PSMA1: variants seen among roughly 807,000 people sequenced by gnomAD.
PSMA1 encodes the protein proteasome subunit alpha type-1.
A neutral mutation model predicts 38.4 loss-of-function variants in PSMA1; 3 were observed. That is an observed-to-expected ratio of 0.08 (90% CI 0.04 to 0.20). The LOEUF (loss-of-function observed/expected upper bound fraction) is 0.20, where lower values mean the gene tolerates loss of function less well. Among genes scored for constraint, PSMA1 ranks in the 10% least tolerant of loss-of-function variants. The pLI is 1.00. For missense variants in PSMA1, 227 were observed against 325.3 expected, an observed-to-expected ratio of 0.70 and a Z score of 2.32; for synonymous variants, 101 against 107.1, an observed-to-expected ratio of 0.94 and a Z score of 0.35.
intron 2 of PSMA1, among the ~76,000 whole-genome samples, chr11:14,586,543 T>C (rs1227439779): frequency 6.6e-6 from 1 of 152,186 alleles, no homozygotes; most frequent in East Asian, 1.9e-4. Flanking sequence ...ATATGATAGG[T>C]ATTCTATTTT....
intron 2 of PSMA1, among the ~76,000 whole-genome samples, chr11:14,526,407 G>T (rs979198207): frequency 6.6e-6 from 1 of 152,112 alleles, no homozygotes; most frequent in Non-Finnish European, 1.5e-5. Context: ...CAAGGACCGG[G>T]ACCGCACCCT....
At chr11:14,629,140 T>C (rs1852963260) in intron 1 of PSMA1, among the ~76,000 whole-genome samples, 1 of 152,208 alleles carries the variant, frequency 6.6e-6, no homozygotes, top group South Asian at 2.1e-4. Flanking sequence ...TGATGGTAGT[T>C]TCTTTTGCTG....
intron 2 of PSMA1, among the ~76,000 whole-genome samples, chr11:14,537,880 T>C (rs993216061): frequency 6.6e-6 from 1 of 151,996 alleles, no homozygotes. Flanking sequence ...GGCTAACTTT[T>C]GTATTTTTAG....
At chr11:14,547,741 G>A (rs1334658722) in intron 2 of PSMA1, among the ~76,000 whole-genome samples, 1 of 152,178 alleles carries the variant, frequency 6.6e-6, no homozygotes. Flanking sequence ...CAAACATCCA[G>A]GGCCATACTC....
intron 2 of PSMA1, among the ~76,000 whole-genome samples, chr11:14,601,496 C>G (rs765217528): frequency 5.3e-5 from 8 of 152,164 alleles, no homozygotes; most frequent in Non-Finnish European, 7.3e-5. Context: ...CTGAAAGCCT[C>G]TAGATATGGC....
chr11:14,555,099 T>G (rs1334094224), intron 2 of PSMA1, among the ~76,000 whole-genome samples: 10 of 152,240 alleles, frequency 6.6e-5, no homozygotes, highest in Admixed American at 6.5e-4. Context: ...AGGATGTGGT[T>G]CACTACGTCA....
intron 2 of PSMA1, among the ~76,000 whole-genome samples, chr11:14,570,867 C>A (rs1852131074): frequency 6.6e-6 from 1 of 152,140 alleles, no homozygotes; most frequent in African/African-American, 2.4e-5. Flanking sequence ...CACAAAGATA[C>A]TCCTTGAGAA....
chr11:14,635,735 A>G (rs903547135), intron 1 of PSMA1, among the ~76,000 whole-genome samples: 11 of 152,306 alleles, frequency 7.2e-5, no homozygotes, highest in African/African-American at 2.6e-4. Flanking sequence ...GGGGTAGGAG[A>G]AAAAAAGCAG....
chr11:14,595,076 G>T (rs1852469377), intron 2 of PSMA1, among the ~76,000 whole-genome samples: 1 of 152,146 alleles, frequency 6.6e-6, no homozygotes, highest in East Asian at 1.9e-4. Flanking sequence ...CCCTGCAAAG[G>T]ACATGAACTC....
intron 2 of PSMA1, among the ~76,000 whole-genome samples, chr11:14,526,836 C>T (rs917498123): frequency 2.0e-5 from 3 of 152,144 alleles, no homozygotes; most frequent in Non-Finnish European, 4.4e-5. Context: ...TCCACCAGGC[C>T]TAATCGCCAC....
At chr11:14,520,487 C>T (rs906474612), upstream of PSMA1, 4 of 1,453,588 alleles carry the variant, frequency 2.8e-6, no homozygotes, top group Middle Eastern at 2.0e-4. Context: ...ACTTTCCGAC[C>T]GCTCGGCGGC....
In PSMA1 at chr11:14,517,921, C is replaced by T. The variant is rs763277566; in HGVS notation, c.109G>A (p.Gly37Ser). Residue 37 changes from glycine to serine, a missense_variant, in exon 3 of 10, where the codon GGT (glycine) becomes AGT (serine). Physicochemically the swap from Gly to Ser is moderately conservative, Grantham distance 56 (BLOSUM62 0). Coordinates refer to ENST00000396394, the MANE Select transcript of PSMA1 (RefSeq NM_002786.4). ...EAVKQGSATV[G>S]LKSKTHAVLV... is the part of the protein sequence containing the mutation. The stretch of plus-strand genomic sequence containing the variant: ...ACTGCATGAGTTTTTGATTTCAGAC[C>T]AACTGTGGCTGAACCTTGTTTAACA... The T allele has an allele frequency of 6.2e-6, 10 of 1,609,132 alleles. No homozygotes were observed. The African/African-American group carries it at 6.7e-5, about 11-fold the overall frequency.
intron 1 of PSMA1, among the ~76,000 whole-genome samples, chr11:14,631,916 T>C (rs528363398): frequency 3.2e-4 from 47 of 145,408 alleles, no homozygotes; most frequent in Non-Finnish European, 6.6e-4. Flanking sequence ...TTTACCATTA[T>C]GTAATGGCCT....
chr11:14,507,162 C>T (rs1439224318), intron 9 of PSMA1, among the ~76,000 whole-genome samples: 1 of 151,506 alleles, frequency 6.6e-6, no homozygotes, highest in Non-Finnish European at 1.5e-5. Flanking sequence ...ACACTTCTCC[C>T]TTTTTGTGTT....
chr11:14,634,094 G>A (rs931742158), intron 1 of PSMA1, among the ~76,000 whole-genome samples: 15 of 152,132 alleles, frequency 9.9e-5, no homozygotes, highest in Admixed American at 2.0e-4. Context: ...GAAATCACCC[G>A]TCTTCTGCGT....
intron 2 of PSMA1, among the ~76,000 whole-genome samples, chr11:14,543,383 T>C (rs1726812975): frequency 6.6e-6 from 1 of 152,186 alleles, no homozygotes; most frequent in Admixed American, 6.5e-5. Context: ...GTGGCTTCTT[T>C]TGTCTTTTGA....
chr11:14,527,565 C>A (rs530954152), intron 2 of PSMA1, among the ~76,000 whole-genome samples: 46 of 152,302 alleles, frequency 3.0e-4, no homozygotes, highest in African/African-American at 1.1e-3. Flanking sequence ...CCCTTCCCTT[C>A]CCTACACATC....
In PSMA1 at chr11:14,564,384, T is replaced by C. The variant is rs546734554; in HGVS notation, c.22-45343A>G. ...TTGCATGCATTGATAATGTGTTCTT[T>C]TTTATTGTTGAGTAATATTCCACAA... is the stretch of plus-strand genomic sequence containing the variant. On this transcript the variant is annotated intron_variant, in intron 2 of 10. Coordinates refer to the PSMA1 transcript ENST00000418988. Among the ~76,000 whole-genome samples, 84 of 152,362 alleles carry C rather than the reference T, an allele frequency of 5.5e-4. 1 individual carries two copies. In the South Asian group the frequency reaches 0.017, roughly 31 times the overall value.
At chr11:14,530,955 G>C (rs560791141) in intron 2 of PSMA1, among the ~76,000 whole-genome samples, 89 of 150,522 alleles carry the variant, frequency 5.9e-4, no homozygotes, top group African/African-American at 2.1e-3. Context: ...AGTAGTAGTA[G>C]CAATAATTTC....
Sources: gnomAD v4.1 joint callset for allele counts (sites outside exome capture counted in the v4.1 genomes callset) on GRCh38, gnomAD v4.1.1 for gene constraint, MANE v1.5 for transcripts, NCBI Gene and HGNC (gene_info 2026-07-23, HGNC 2026-07-21) for gene names.